The following FAM135B variants were observed in gnomAD, a reference collection of about 807,000 sequenced individuals.
The protein encoded by FAM135B is family with sequence similarity 135 member B.
In FAM135B, 43 loss-of-function variants were observed where a neutral mutation model predicts 127.7. That is an observed-to-expected ratio of 0.34 (90% confidence interval 0.26 to 0.43). FAM135B has a LOEUF of 0.43. FAM135B is among the 20% of genes least tolerant of loss of function. FAM135B has a pLI of 1.00. For synonymous variants in FAM135B, 670 were observed against 665.1 expected (o/e 1.01, Z -0.11); for missense variants, 1,558 against 1,725.6 (o/e 0.90, Z 1.72).
chr8:138,469,766 G>A (rs1231405174), intron 1 of FAM135B, among the ~76,000 whole-genome samples: 3 of 152,214 alleles, frequency 2.0e-5, no homozygotes, highest in Admixed American at 6.5e-5. Flanking sequence ...ATTTTGGGGA[G>A]AAGAAGGGCT....
At chr8:138,163,685 GA>G (rs774177762) in intron 12 of FAM135B, among the ~76,000 whole-genome samples, 83 of 152,274 alleles carry the variant, frequency 5.5e-4, no homozygotes, top group Non-Finnish European at 5.9e-4. Context: ...GTGGAACTGT[GA>G]GTCCATTAAA....
At chr8:138,272,974 T>TG (rs1288118452) in intron 3 of FAM135B, among the ~76,000 whole-genome samples, 1 of 152,198 alleles carries the variant, frequency 6.6e-6, no homozygotes, top group Non-Finnish European at 1.5e-5. Flanking sequence ...GAACTGGGGA[T>TG]GGAAGAGCAA....
intron 1 of FAM135B, among the ~76,000 whole-genome samples, chr8:138,496,342 T>C (rs1268105558): frequency 6.6e-6 from 1 of 151,706 alleles, no homozygotes; most frequent in African/African-American, 2.4e-5. Context: ...GGCCCCCGGG[T>C]TCCCTGGCTC....
intron 14 of FAM135B, among the ~76,000 whole-genome samples, chr8:138,147,618 G>C (rs1051762315): frequency 3.3e-5 from 5 of 152,162 alleles, no homozygotes; most frequent in Admixed American, 6.5e-5. Context: ...CCTTGAACTA[G>C]AGAAGTCATC....
chr8:138,265,836 C>T lies in FAM135B; in HGVS notation c.164G>A (p.Ser55Asn), dbSNP rs1227608998. Reference protein sequence around the residue: ...SASIAGQTESSSLHSACVHDS... With the variant: ...SASIAGQTESNSLHSACVHDS... ...ATGGACACAGGCTGAATGCAGGCTG[C>T]TGCTCTCTGCAAAACAAGAATCAGT... is the stretch of plus-strand genomic sequence containing the variant. The change falls in exon 4 of 20, where the codon AGC (serine) becomes AAC (asparagine). Residue 55 changes from serine (S) to asparagine (N), a missense_variant. Physicochemically the swap from Ser to Asn is conservative, Grantham distance 46. This residue lies in a region of FAM135B where 199 missense variants were observed against 245.7 expected (regional missense o/e 0.81). Coordinates refer to ENST00000395297, the MANE Select transcript of FAM135B (RefSeq NM_015912.4). The T allele has an allele frequency of 1.9e-6, 3 of 1,613,318 alleles. No individual in the cohort carries two copies. The Admixed American group carries it at 5.0e-5, about 27-fold the overall frequency.
At chr8:138,470,537 A>T (rs1453920300) in intron 1 of FAM135B, among the ~76,000 whole-genome samples, 1 of 152,208 alleles carries the variant, frequency 6.6e-6, no homozygotes, top group Non-Finnish European at 1.5e-5. Flanking sequence ...TCTGGAAAAA[A>T]GCTTTTACTT....
At chr8:138,377,762 T>G (rs542918119) in intron 1 of FAM135B, among the ~76,000 whole-genome samples, 243 of 152,354 alleles carry the variant, frequency 1.6e-3, no homozygotes, top group Non-Finnish European at 2.8e-3. Flanking sequence ...GAGAATGTGC[T>G]GCCTTTTCTC....
At chr8:138,273,868 T>C (rs921202644) in intron 3 of FAM135B, among the ~76,000 whole-genome samples, 4 of 152,164 alleles carry the variant, frequency 2.6e-5, no homozygotes, top group Non-Finnish European at 5.9e-5. Context: ...CGTTACTAGC[T>C]GTGCTCCTTC....
intron 1 of FAM135B, among the ~76,000 whole-genome samples, chr8:138,404,625 T>C (rs1247514308): frequency 6.6e-6 from 1 of 152,142 alleles, no homozygotes; most frequent in Non-Finnish European, 1.5e-5. Context: ...GATTATAGAA[T>C]ATTTTAAATC....
chr8:138,313,351 C>T (rs189217039), intron 2 of FAM135B, among the ~76,000 whole-genome samples: 1 of 152,106 alleles, frequency 6.6e-6, no homozygotes, highest in Non-Finnish European at 1.5e-5. Context: ...AGGCTGGTCT[C>T]GAACTCCTGA....
intron 9 of FAM135B, among the ~76,000 whole-genome samples, chr8:138,190,773 C>T (rs1816047599): frequency 6.6e-6 from 1 of 152,210 alleles, no homozygotes; most frequent in Non-Finnish European, 1.5e-5. Flanking sequence ...CACCCCTTAT[C>T]TTAACCCAGA....
chr8:138,203,847 A>T (rs1485888125), intron 7 of FAM135B, among the ~76,000 whole-genome samples: 1 of 152,182 alleles, frequency 6.6e-6, no homozygotes, highest in Non-Finnish European at 1.5e-5. Flanking sequence ...TTCTGGAACT[A>T]GATGGTCCCA....
In FAM135B at chr8:138,243,190, A is replaced by T; in HGVS notation, c.543-122T>A. ...GGGATAAGTCATTTAGGAGTAGTTCACCCCCTAGGGAGTGTTTGCATGTGA... is the reference window on the plus strand; with the variant it reads ...GGGATAAGTCATTTAGGAGTAGTTCTCCCCCTAGGGAGTGTTTGCATGTGA... On this transcript the variant is annotated intron_variant, in intron 6 of 19. Transcript: ENST00000395297. This position sits in a 1 kb window ranked among gnomAD's most constrained non-coding sequence, Gnocchi z 7.5. The T allele has an allele frequency of 8.6e-7, 1 of 1,169,416 alleles. No individual in the cohort carries two copies. Among genetic ancestry groups the T allele is most frequent in the Non-Finnish European group, 1.2e-6 (1 of 853,762 alleles). 72.4% of individuals were successfully genotyped at this position (1,169,416 alleles called of 1,614,324 possible). A position where few individuals can be genotyped will look rare whatever the true frequency, so the allele number is the denominator to read the frequency against.
At chr8:138,374,736 G>T (rs1831355647) in intron 1 of FAM135B, among the ~76,000 whole-genome samples, 1 of 152,136 alleles carries the variant, frequency 6.6e-6, no homozygotes, top group South Asian at 2.1e-4. Context: ...GTCATTAGAG[G>T]TATCCGAAAA....
intron 2 of FAM135B, among the ~76,000 whole-genome samples, chr8:138,334,910 A>G (rs1277553091): frequency 6.6e-6 from 1 of 152,190 alleles, no homozygotes; most frequent in African/African-American, 2.4e-5. Flanking sequence ...CAATCAGAAA[A>G]AGGTAAAGGA....
intron 1 of FAM135B, among the ~76,000 whole-genome samples, chr8:138,404,313 G>A (rs571588247): frequency 6.6e-6 from 1 of 152,072 alleles, no homozygotes; most frequent in Non-Finnish European, 1.5e-5. Flanking sequence ...CTATGTTATT[G>A]CTAAAAAATT....
At chr8:138,363,001 C>T (rs1830527548) in intron 2 of FAM135B, among the ~76,000 whole-genome samples, 1 of 152,086 alleles carries the variant, frequency 6.6e-6, no homozygotes, top group Admixed American at 6.6e-5. Context: ...AACACAATAG[C>T]TAAATGTCAA....
At chr8:138,470,272 A>G (rs139685933) in intron 1 of FAM135B, among the ~76,000 whole-genome samples, 67 of 152,326 alleles carry the variant, frequency 4.4e-4, no homozygotes, top group African/African-American at 1.6e-3. Flanking sequence ...GAACAAATGC[A>G]CCAGGAAAGG....
intron 12 of FAM135B, among the ~76,000 whole-genome samples, chr8:138,156,411 C>G (rs76225839): frequency 2.0e-5 from 3 of 151,918 alleles, no homozygotes; most frequent in Non-Finnish European, 4.4e-5. Context: ...CAAACACATT[C>G]AAAAGCTAGC....
Sources: allele counts gnomAD v4.1 joint callset (sites outside exome capture counted in the v4.1 genomes callset), GRCh38; gene constraint gnomAD v4.1.1; regional missense constraint gnomAD v4.1.1; non-coding constraint Gnocchi (gnomAD v3.1); transcripts MANE v1.5; gene names NCBI Gene and HGNC (gene_info 2026-07-23, HGNC 2026-07-21).